ENOX1: variants seen among roughly 807,000 people sequenced by gnomAD.
The protein encoded by ENOX1 is ecto-NOX disulfide-thiol exchanger 1, also known as candidate growth-related and time keeping constitutive hydroquinone (NADH) oxidase.
ENOX1 carries 42 observed loss-of-function variants against 82.5 expected under a neutral mutation model. The observed-to-expected ratio is 0.51, with a 90% confidence interval of 0.40 to 0.66. ENOX1 has a LOEUF of 0.66. Ranked by LOEUF, ENOX1 falls within the 30% of genes least tolerant of loss-of-function variation. The probability of loss-of-function intolerance (pLI) is 0.00; values close to 1 mark genes in which losing one functional copy is unlikely to be tolerated. For synonymous variants in ENOX1, 271 were observed against 282.2 expected (o/e 0.96, Z 0.40); for missense variants, 608 against 811.6 (o/e 0.75, Z 3.05).
chr13:43,574,645 C>T (rs546950754), intron 2 of ENOX1, among the ~76,000 whole-genome samples: 26 of 152,240 alleles, frequency 1.7e-4, no homozygotes, highest in Admixed American at 2.6e-4. Flanking sequence ...TCTAAAACTC[C>T]CACTGCTGAC....
At chr13:43,286,640 G>A (rs937352932) in intron 12 of ENOX1, among the ~76,000 whole-genome samples, 3 of 152,204 alleles carry the variant, frequency 2.0e-5, no homozygotes, top group African/African-American at 7.2e-5. Context: ...TAATGAGGAT[G>A]CATTTGATGA....
chr13:43,249,269 GA>G (rs1363533529), intron 14 of ENOX1, among the ~76,000 whole-genome samples: 1 of 152,058 alleles, frequency 6.6e-6, no homozygotes, highest in Non-Finnish European at 1.5e-5. Flanking sequence ...ATAACCAAAT[GA>G]AAAAATACAC....
At chr13:43,703,702 CTT>C (rs2087055628) in intron 1 of ENOX1, among the ~76,000 whole-genome samples, 1 of 152,068 alleles carries the variant, frequency 6.6e-6, no homozygotes, top group Non-Finnish European at 1.5e-5. Flanking sequence ...CAAATGAAGA[CTT>C]TACCTGTTTT....
At chr13:43,620,617 T>C (rs913476456) in intron 2 of ENOX1, among the ~76,000 whole-genome samples, 1 of 152,190 alleles carries the variant, frequency 6.6e-6, no homozygotes, top group African/African-American at 2.4e-5. Flanking sequence ...GAGTGCTTGA[T>C]ATAATTTCGA....
intron 1 of ENOX1, among the ~76,000 whole-genome samples, chr13:43,697,206 G>A (rs1057338924): frequency 2.0e-5 from 3 of 152,132 alleles, no homozygotes; most frequent in African/African-American, 7.2e-5. Flanking sequence ...AGCTATCAGG[G>A]GAACATATGT....
At chr13:43,518,548 G>C (rs2077643712) in intron 2 of ENOX1, among the ~76,000 whole-genome samples, 1 of 151,940 alleles carries the variant, frequency 6.6e-6, no homozygotes, top group Non-Finnish European at 1.5e-5. Flanking sequence ...CAAGCAGAAT[G>C]GTCTAGGCTA....
intron 3 of ENOX1, among the ~76,000 whole-genome samples, chr13:43,441,205 CAGCGT>C (rs1310165808): frequency 6.6e-6 from 1 of 152,086 alleles, no homozygotes. Flanking sequence ...ATGTTGCATC[CAGCGT>C]ATTAACTAAG....
chr13:43,528,206 A>T (rs993726938), intron 2 of ENOX1, among the ~76,000 whole-genome samples: 1 of 152,108 alleles, frequency 6.6e-6, no homozygotes, highest in African/African-American at 2.4e-5. Flanking sequence ...CTTCTTGGGC[A>T]CTTAAAATAA....
At chr13:43,728,294 C>T (rs2089116111) in intron 1 of ENOX1, among the ~76,000 whole-genome samples, 1 of 152,192 alleles carries the variant, frequency 6.6e-6, no homozygotes, top group Non-Finnish European at 1.5e-5. Context: ...TAGTTCCATT[C>T]TCTTGCCTAA....
chr13:43,581,065 T>C (rs756909499), intron 2 of ENOX1, among the ~76,000 whole-genome samples: 1 of 150,052 alleles, frequency 6.7e-6, no homozygotes, highest in Non-Finnish European at 1.5e-5. Context: ...TACCTAAACA[T>C]AGAGCAAAAT....
chr13:43,539,604 A>G (rs981541385), intron 2 of ENOX1, among the ~76,000 whole-genome samples: 1 of 152,168 alleles, frequency 6.6e-6, no homozygotes, highest in African/African-American at 2.4e-5. Context: ...TTTGGCTCAC[A>G]AGTTTTTTTA....
intron 3 of ENOX1, among the ~76,000 whole-genome samples, chr13:43,452,127 T>A (rs2057000458): frequency 6.6e-6 from 1 of 152,078 alleles, no homozygotes; most frequent in Non-Finnish European, 1.5e-5. Context: ...TCTTTCTTTC[T>A]TTTTTTTATT....
chr13:43,522,216 A>C (rs2077802039), intron 2 of ENOX1, among the ~76,000 whole-genome samples: 1 of 152,130 alleles, frequency 6.6e-6, no homozygotes, highest in Non-Finnish European at 1.5e-5. Flanking sequence ...TTTTACTACT[A>C]AACCACAGAG....
intron 9 of ENOX1, among the ~76,000 whole-genome samples, chr13:43,342,492 T>G (rs958829821): frequency 1.3e-5 from 2 of 152,146 alleles, no homozygotes; most frequent in African/African-American, 4.8e-5. Flanking sequence ...AAAGTTGAGG[T>G]GCCTAAGAGG....
chr13:43,670,821 C>T (rs9594991), intron 1 of ENOX1, among the ~76,000 whole-genome samples: 12,216 of 151,952 alleles, frequency 0.08, 715 homozygotes, highest in African/African-American at 0.17. Flanking sequence ...CCAGCCTGGG[C>T]AACAGAGTGA....
chr13:43,220,660 C>CT (rs957880449), intron 16 of ENOX1, among the ~76,000 whole-genome samples: 14 of 151,872 alleles, frequency 9.2e-5, no homozygotes, highest in African/African-American at 2.2e-4. Context: ...GGTGCACAGC[C>CT]TTTTTTTTGT....
intron 9 of ENOX1, among the ~76,000 whole-genome samples, chr13:43,334,139 G>T (rs1428479242): frequency 6.6e-6 from 1 of 152,242 alleles, no homozygotes; most frequent in Non-Finnish European, 1.5e-5. Flanking sequence ...CTCTCTGCAT[G>T]ATTCCAAGGC....
chr13:43,691,401 A>T (rs552602431), intron 1 of ENOX1, among the ~76,000 whole-genome samples: 1 of 152,182 alleles, frequency 6.6e-6, no homozygotes, highest in Admixed American at 6.5e-5. Flanking sequence ...GAAAAGAAAA[A>T]AAAAAACTAT....
intron 12 of ENOX1, among the ~76,000 whole-genome samples, chr13:43,279,468 C>T (rs189342124): frequency 6.6e-5 from 10 of 152,250 alleles, no homozygotes; most frequent in Admixed American, 4.6e-4. Flanking sequence ...TTCTTGACTA[C>T]AGAACACAGT....
Sources: gnomAD v4.1 joint callset for allele counts (sites outside exome capture counted in the v4.1 genomes callset) on GRCh38, gnomAD v4.1.1 for gene constraint, MANE v1.5 for transcripts, NCBI Gene and HGNC (gene_info 2026-07-23, HGNC 2026-07-21) for gene names.